The following PRKAA2 variants were observed in gnomAD, a reference collection of about 807,000 sequenced individuals.
PRKAA2 encodes protein kinase AMP-activated catalytic subunit alpha 2, also known as 5'-AMP-activated protein kinase catalytic subunit alpha-2.
In PRKAA2, 40 loss-of-function variants were observed where a neutral mutation model predicts 56.3. That is an observed-to-expected ratio of 0.71 (90% CI 0.55 to 0.92). The LOEUF is 0.92. PRKAA2 is among the 40% of genes least tolerant of loss of function. PRKAA2 has a pLI of 0.00. For synonymous variants in PRKAA2, 214 were observed against 234.2 expected, an observed-to-expected ratio of 0.91 and a Z score of 0.79; for missense variants, 542 against 686.9, an observed-to-expected ratio of 0.79 and a Z score of 2.36.
intron 6 of PRKAA2, among the ~76,000 whole-genome samples, chr1:56,699,844 T>TA (rs1385525478): frequency 2.0e-5 from 3 of 152,256 alleles, no homozygotes; most frequent in African/African-American, 7.2e-5. Context: ...AATGGAATCA[T>TA]ACAGTATGTG....
rs374575281 is a variant in PRKAA2, at chr1:56,650,299, CTATTG to C, written c.94+4823_94+4827del. Among the ~76,000 whole-genome samples the C allele has an allele frequency of 6.0e-3, 912 of 152,112 alleles. 4 individuals carry two copies. The highest frequency in any genetic ancestry group is 0.021 in the African/African-American group (870 of 41,484). On this transcript the variant is annotated intron_variant, in intron 1 of 8. Transcript: ENST00000371244. Reference sequence around the variant, plus strand: ...GTTTTAAATTTTGTCCTTCATTAGTCTATTGTATTATCAGGTTGCTGAGGGACTGT... The same window carrying C: ...GTTTTAAATTTTGTCCTTCATTAGTCTATTATCAGGTTGCTGAGGGACTGT...
In PRKAA2 at chr1:56,711,820, A is replaced by G. The variant is rs187975045; in HGVS notation, c.*4107A>G. On this transcript the variant is annotated 3_prime_UTR_variant, in exon 9 of 9. Coordinates refer to ENST00000371244, the MANE Select transcript of PRKAA2 (RefSeq NM_006252.4). ...CTTTAAAGTTCTTTTCTGCTTTTCCATATGATTTGTGTTAGTGTTCACTTT... is the reference window on the plus strand; with the variant it reads ...CTTTAAAGTTCTTTTCTGCTTTTCCGTATGATTTGTGTTAGTGTTCACTTT... The G allele has an allele frequency of 1.3e-5, 2 of 152,174 alleles. No individual in the cohort carries two copies. The highest frequency in any genetic ancestry group is 1.3e-4 in the Admixed American group (2 of 15,286). The allele number at this position is 152,174 out of a possible 1,614,324, so 9.4% of individuals were successfully genotyped here. A position where few individuals can be genotyped will look rare whatever the true frequency, so the allele number is the denominator to read the frequency against.
At chr1:56,667,526 A>G (rs1289631188) in intron 1 of PRKAA2, among the ~76,000 whole-genome samples, 2 of 152,168 alleles carry the variant, frequency 1.3e-5, no homozygotes, top group Non-Finnish European at 2.9e-5. Flanking sequence ...TTGGGTAACC[A>G]CAGATTGCAT....
rs761035255 is a variant in PRKAA2, at chr1:56,696,051, G to A, written c.680G>A (p.Arg227Gln). The A allele has an allele frequency of 1.2e-6, 2 of 1,612,840 alleles. No homozygotes were observed. The highest frequency in any genetic ancestry group is 1.1e-5 in the South Asian group (1 of 90,958). Residue 227 changes from arginine (R) to glutamine (Q), a missense_variant, in exon 6 of 9, where the codon CGA becomes CAA. Physicochemically the swap from Arg to Gln is conservative, Grantham distance 43 (BLOSUM62 1). Coordinates refer to ENST00000371244, the MANE Select transcript of PRKAA2 (RefSeq NM_006252.4). ...EHVPTLFKKI[R>Q]GGVFYIPEYL... ...GTACCTACGTTATTTAAGAAGATCCGAGGGGGTGTCTTTTATATCCCAGAA... is the reference window on the plus strand; with the variant it reads ...GTACCTACGTTATTTAAGAAGATCCAAGGGGGTGTCTTTTATATCCCAGAA...
At chr1:56,701,423 T>G (rs1644292816) in intron 6 of PRKAA2, among the ~76,000 whole-genome samples, 1 of 151,624 alleles carries the variant, frequency 6.6e-6, no homozygotes, top group Non-Finnish European at 1.5e-5. Flanking sequence ...AAAAGATCTA[T>G]CTCAAGTTAT....
At chr1:56,676,385 C>G (rs749489776) in intron 2 of PRKAA2, among the ~76,000 whole-genome samples, 1 of 152,100 alleles carries the variant, frequency 6.6e-6, no homozygotes, top group Non-Finnish European at 1.5e-5. Flanking sequence ...GAGAAGGACT[C>G]AACTGGCCGT....
At chr1:56,662,013 T>C (rs1465717051) in intron 1 of PRKAA2, among the ~76,000 whole-genome samples, 1 of 152,192 alleles carries the variant, frequency 6.6e-6, no homozygotes, top group Non-Finnish European at 1.5e-5. Flanking sequence ...TACATTTGTA[T>C]GTGTGAAATC....
chr1:56,674,308 C>T (rs1644098184), intron 1 of PRKAA2, 73 bp from the exon 2 acceptor site: 14 of 1,333,532 alleles, frequency 1.0e-5, no homozygotes, highest in Non-Finnish European at 1.3e-5. Flanking sequence ...GTTTAGGGCA[C>T]AATGGAAGGA....
intron 2 of PRKAA2, among the ~76,000 whole-genome samples, chr1:56,683,281 A>T (rs1302433002): frequency 6.6e-6 from 1 of 152,130 alleles, no homozygotes; most frequent in Non-Finnish European, 1.5e-5. Flanking sequence ...ATCATCTATC[A>T]TCTTTATCTC....
chr1:56,659,136 T>G (rs1557544332), intron 1 of PRKAA2, among the ~76,000 whole-genome samples: 1 of 151,842 alleles, frequency 6.6e-6, no homozygotes, highest in African/African-American at 2.4e-5. Context: ...TTTTTAATCT[T>G]AAATGATGAT....
intron 6 of PRKAA2, among the ~76,000 whole-genome samples, chr1:56,703,424 C>G (rs1278299533): frequency 6.6e-6 from 1 of 152,142 alleles, no homozygotes; most frequent in Admixed American, 6.5e-5. Flanking sequence ...GCTAGGTTCT[C>G]ATACCTTCTT....
At chr1:56,673,014 A>G (rs1478155914) in intron 1 of PRKAA2, among the ~76,000 whole-genome samples, 1 of 152,150 alleles carries the variant, frequency 6.6e-6, no homozygotes, top group Non-Finnish European at 1.5e-5. Context: ...CAGTGTAGAA[A>G]AGATGGGTTC....
intron 6 of PRKAA2, among the ~76,000 whole-genome samples, chr1:56,697,247 C>T (rs912960239): frequency 1.3e-5 from 2 of 151,830 alleles, no homozygotes; most frequent in Non-Finnish European, 1.5e-5. Context: ...TGGTCTTGAA[C>T]TTCTGGGCTC....
chr1:56,696,811 G>A (rs1006700121), intron 6 of PRKAA2, among the ~76,000 whole-genome samples: 3 of 152,076 alleles, frequency 2.0e-5, no homozygotes, highest in South Asian at 2.1e-4. Context: ...TTGCTGATGC[G>A]CCTATGAATA....
intron 1 of PRKAA2, among the ~76,000 whole-genome samples, chr1:56,665,361 A>G (rs892824317): frequency 6.6e-6 from 1 of 152,190 alleles, no homozygotes; most frequent in Admixed American, 6.5e-5. Flanking sequence ...GGCTTGAGCC[A>G]CCACACCCAG....
chr1:56,655,305 A>G (rs1225682901), intron 1 of PRKAA2, among the ~76,000 whole-genome samples: 2 of 89,106 alleles, frequency 2.2e-5, no homozygotes, highest in Non-Finnish European at 4.0e-5. Context: ...TTGTAGAGAC[A>G]GGGTCTCACT....
At chr1:56,659,943 A>G (rs866654592) in intron 1 of PRKAA2, among the ~76,000 whole-genome samples, 1 of 152,204 alleles carries the variant, frequency 6.6e-6, no homozygotes, top group South Asian at 2.1e-4. Context: ...AGCATATCAC[A>G]TAATTAAAGA....
At chr1:56,645,769 A>C (rs1363652897) in intron 1 of PRKAA2, among the ~76,000 whole-genome samples, 1 of 152,060 alleles carries the variant, frequency 6.6e-6, no homozygotes, top group Non-Finnish European at 1.5e-5. Flanking sequence ...GGAGCAAGGC[A>C]CTTCTGTGTT....
chr1:56,645,338 G>T lies in PRKAA2; in HGVS notation c.-50G>T. 7.1e-7 allele frequency: 1 copy of T among 1,400,866 alleles called. No individual in the cohort carries two copies. Among genetic ancestry groups the T allele is most frequent in the Non-Finnish European group, 9.4e-7 (1 of 1,060,110 alleles). 86.8% of individuals were successfully genotyped at this position (1,400,866 alleles called of 1,614,324 possible). A position where few individuals can be genotyped will look rare whatever the true frequency, so the allele number is the denominator to read the frequency against. On this transcript the variant is annotated 5_prime_UTR_variant, in exon 1 of 9. Coordinates refer to ENST00000371244, the MANE Select transcript of PRKAA2 (RefSeq NM_006252.4). ...TGCACTGTGGGTAGGCGGCGGCGGC[G>T]GCGGCTACGCGGAGCGGCAGGCGGT...
Sources: allele counts gnomAD v4.1 joint callset (sites outside exome capture counted in the v4.1 genomes callset), GRCh38; gene constraint gnomAD v4.1.1; transcripts MANE v1.5; gene names NCBI Gene and HGNC (gene_info 2026-07-23, HGNC 2026-07-21).